ITPR1: variants seen among roughly 807,000 people sequenced by gnomAD.
ITPR1 encodes the protein inositol 1,4,5-trisphosphate receptor type 1, also known as inositol 1,4,5-trisphosphate-gated calcium channel ITPR1.
Under a neutral mutation model 318.4 loss-of-function variants are expected in ITPR1, and 96 were observed. The observed-to-expected ratio is 0.30, with a 90% CI of 0.26 to 0.36. The LOEUF (loss-of-function observed/expected upper bound fraction) is 0.36, where lower values mean the gene tolerates loss of function less well. Among genes scored for constraint, ITPR1 ranks in the 10% least tolerant of loss-of-function variants. The pLI is 1.00. For missense variants in ITPR1, 2,440 were observed against 3,460.2 expected (o/e 0.71, Z 7.40); for synonymous variants, 1,312 against 1,289.9 (o/e 1.02, Z -0.37).
chr3:4,702,073 G>T (rs2094665994), intron 35 of ITPR1, among the ~76,000 whole-genome samples: 1 of 152,100 alleles, frequency 6.6e-6, no homozygotes, highest in African/African-American at 2.4e-5. Context: ...TTGCCTTGCT[G>T]GTCCAAAGCT....
At chr3:4,580,733 T>C (rs2125050856) in intron 4 of ITPR1, among the ~76,000 whole-genome samples, 1 of 152,240 alleles carries the variant, frequency 6.6e-6, no homozygotes, top group East Asian at 1.9e-4. Context: ...AGATCCTCAG[T>C]GAGCAAGCCG....
intron 4 of ITPR1, among the ~76,000 whole-genome samples, chr3:4,601,427 G>A (rs889162238): frequency 5.9e-5 from 9 of 151,642 alleles, no homozygotes; most frequent in Non-Finnish European, 8.8e-5. Flanking sequence ...GCTGAGGTGG[G>A]AGGATCACCT....
At chr3:4,812,986 A>T (rs2049038077) in intron 56 of ITPR1, 156 bp from the exon 57 acceptor site, 3 of 652,618 alleles carry the variant, frequency 4.6e-6, no homozygotes, top group Non-Finnish European at 8.2e-6. Flanking sequence ...TCACCAAATG[A>T]AAGTGTAAAT....
intron 4 of ITPR1, among the ~76,000 whole-genome samples, chr3:4,559,603 G>A (rs1406094130): frequency 6.6e-6 from 1 of 152,144 alleles, no homozygotes; most frequent in Non-Finnish European, 1.5e-5. Flanking sequence ...TAATCAGAGA[G>A]GGCAGTTTGT....
chr3:4,803,226 C>T (rs557459085), intron 54 of ITPR1, among the ~76,000 whole-genome samples: 4 of 152,280 alleles, frequency 2.6e-5, no homozygotes, highest in South Asian at 4.2e-4. Flanking sequence ...ATGATCCAGT[C>T]ACCTCCCCCC....
chr3:4,749,305 C>T (rs1329262499), intron 44 of ITPR1: 1 of 152,178 alleles, frequency 6.6e-6, no homozygotes, highest in Non-Finnish European at 1.5e-5. Context: ...TCCCTGCCTT[C>T]ATTTATGCAT....
intron 4 of ITPR1, among the ~76,000 whole-genome samples, chr3:4,559,091 C>G (rs2086424467): frequency 1.3e-5 from 2 of 151,952 alleles, no homozygotes; most frequent in African/African-American, 4.8e-5. Flanking sequence ...CTCCTGGGTG[C>G]AAATGATCCT....
intron 4 of ITPR1, among the ~76,000 whole-genome samples, chr3:4,623,747 C>G (rs1296877378): frequency 6.6e-6 from 1 of 152,178 alleles, no homozygotes; most frequent in Non-Finnish European, 1.5e-5. Context: ...TTAATTTTCA[C>G]TTTGAATCAG....
At chr3:4,630,748 A>G (rs9816515) in intron 5 of ITPR1, among the ~76,000 whole-genome samples, 3,407 of 151,836 alleles carry the variant, frequency 0.022, 146 homozygotes, top group African/African-American at 0.078. Context: ...ACCACGCCCT[A>G]CTAATTTTTT....
chr3:4,610,935 CCCTTCCT>C (rs1236959532), intron 4 of ITPR1, among the ~76,000 whole-genome samples: 5 of 80,632 alleles, frequency 6.2e-5, no homozygotes, highest in Admixed American at 1.1e-4. Flanking sequence ...CCTTCCCTTC[CCCTTCCT>C]CTTCCCCTTC....
At chr3:4,612,845 C>T (rs2092217687) in intron 4 of ITPR1, among the ~76,000 whole-genome samples, 1 of 152,188 alleles carries the variant, frequency 6.6e-6, no homozygotes, top group Admixed American at 6.5e-5. Flanking sequence ...CAAGATCCTG[C>T]TCCTGCACTC....
rs748751179 is a variant in ITPR1, at chr3:4,735,393, T to C, written c.5544+39T>C. ...TTGGCTACTGGTATGGCATCCCTGC[T>C]GAGCAGGAGGAGAGTCTGTTCTGGG... is the stretch of plus-strand genomic sequence containing the variant. On this transcript the variant is annotated intron_variant, in intron 44 of 61. Transcript: ENST00000649015. 2.6e-6 allele frequency: 4 copies of C among 1,540,176 alleles called. No individual in the cohort carries two copies. The Middle Eastern group carries it at 5.8e-4, about 223-fold the overall frequency.
chr3:4,529,359 T>C (rs1474484309), intron 4 of ITPR1, among the ~76,000 whole-genome samples: 1 of 152,244 alleles, frequency 6.6e-6, no homozygotes, highest in Non-Finnish European at 1.5e-5. Context: ...AGGGTGAAAT[T>C]GATTTGGAAA....
At chr3:4,683,936 A>G (rs919461250) in intron 28 of ITPR1, 138 bp downstream of exon 28, 1 of 38,304 alleles carries the variant, frequency 2.6e-5, no homozygotes, top group Non-Finnish European at 6.4e-5. Flanking sequence ...CCAAGATCAC[A>G]AGCTGTTTGC....
chr3:4,589,550 T>G lies in ITPR1; in HGVS notation c.164-38213T>G, dbSNP rs114507473. 2.4e-3 allele frequency among the ~76,000 whole-genome samples: 368 copies of G among 152,348 alleles called. 4 individuals are homozygous for G. The highest frequency in any genetic ancestry group is 8.2e-3 in the African/African-American group (343 of 41,590). On this transcript the variant is annotated intron_variant, in intron 4 of 61. Transcript: ENST00000649015. ...AATTGCAGTGTGAGTGTCACTAGTC[T>G]GGAATGACTGCTGTGGCCTTCTAGT... is the stretch of plus-strand genomic sequence containing the variant.
chr3:4,602,728 A>G (rs2091390639), intron 4 of ITPR1, among the ~76,000 whole-genome samples: 1 of 152,158 alleles, frequency 6.6e-6, no homozygotes, highest in Non-Finnish European at 1.5e-5. Flanking sequence ...GAACCTTGCA[A>G]ACCTCGTGCT....
rs752791333 is a variant in ITPR1 at position 4,683,507 on chromosome 3, C to T, written c.3283C>T (p.Arg1095Trp). 4.3e-6 allele frequency: 7 copies of T among 1,614,056 alleles called. No individual in the cohort carries two copies. Among genetic ancestry groups the T allele is most frequent in the South Asian group, 2.2e-5 (2 of 91,086 alleles). The change falls in exon 27 of 62, where the codon CGG becomes TGG. Residue 1095 changes from arginine (R) to tryptophan (W), a missense_variant. Physicochemically the swap from Arg to Trp is moderately radical, Grantham distance 101 (BLOSUM62 -3). Around this residue, in one of 23 missense-constraint regions of ITPR1, gnomAD observed 76 missense variants for 132.2 expected, o/e 0.58. Coordinates refer to ENST00000649015, the MANE Select transcript of ITPR1 (RefSeq NM_001378452.1). ...GTCAGGGGCCCTGCAGCTCCTCTTC[C>T]GGCACTTCAGCCAGAGGCAGGAGGT... Reference protein sequence around the residue: ...LVSGALQLLFRHFSQRQEVLQ... With the variant: ...LVSGALQLLFWHFSQRQEVLQ...
chr3:4,806,615 G>A (rs1009040859), intron 55 of ITPR1, among the ~76,000 whole-genome samples: 1 of 152,200 alleles, frequency 6.6e-6, no homozygotes, highest in Non-Finnish European at 1.5e-5. Flanking sequence ...ACCAAGAGGA[G>A]TGTTTTTGAG....
intron 4 of ITPR1, among the ~76,000 whole-genome samples, chr3:4,620,517 T>A (rs1044313025): frequency 6.6e-6 from 1 of 152,120 alleles, no homozygotes; most frequent in Non-Finnish European, 1.5e-5. Context: ...TAATTGCGTG[T>A]TTTTTCATGG....
Sources: allele counts gnomAD v4.1 joint callset (sites outside exome capture counted in the v4.1 genomes callset), GRCh38; gene constraint gnomAD v4.1.1; regional missense constraint gnomAD v4.1.1; transcripts MANE v1.5; gene names NCBI Gene and HGNC (gene_info 2026-07-23, HGNC 2026-07-21).